SLC18B1: variants seen among roughly 807,000 people sequenced by gnomAD.
SLC18B1 encodes the protein solute carrier family 18 member B1.
A neutral mutation model predicts 53.9 loss-of-function variants in SLC18B1; 62 were observed. The observed-to-expected ratio is 1.15, with a 90% CI of 0.94 to 1.42. The LOEUF (loss-of-function observed/expected upper bound fraction) is 1.42. Ranked by LOEUF, SLC18B1 falls within the 40% of genes most tolerant of loss-of-function variation. The probability of loss-of-function intolerance (pLI) is 0.00; values close to 1 mark genes in which losing one functional copy is unlikely to be tolerated. For missense variants in SLC18B1, 598 were observed against 547.3 expected, an observed-to-expected ratio of 1.09 and a Z score of -0.93; for synonymous variants, 217 against 200.9, an observed-to-expected ratio of 1.08 and a Z score of -0.68.
At position 132,787,438 on chromosome 6, in the gene SLC18B1, A is replaced by T; in HGVS notation, c.497T>A (p.Val166Glu). ...AKAFPNNVAT[V>E]LGSLETFSGL... Reference sequence around the variant, plus strand: ...AAATACTTCTAAAATACATACCAATACCGTAGCCACGTTATTTGGAAAAGC... The same window carrying T: ...AAATACTTCTAAAATACATACCAATTCCGTAGCCACGTTATTTGGAAAAGC... The change falls in exon 5 of 14, where the codon GTA (valine) becomes GAA (glutamate). Residue 166 changes from valine (V) to glutamate (E), a missense_variant. By Grantham distance (121) the Val-to-Glu change is moderately radical. Transcript: ENST00000275227. 1 of 1,593,846 alleles carries T rather than the reference A, an allele frequency of 6.3e-7. No homozygotes were observed. Among genetic ancestry groups the T allele is most frequent in the Non-Finnish European group, 8.5e-7 (1 of 1,173,732 alleles).
At chr6:132,790,740 G>A (rs2114682912) in intron 2 of SLC18B1, among the ~76,000 whole-genome samples, 1 of 152,240 alleles carries the variant, frequency 6.6e-6, no homozygotes, top group South Asian at 2.1e-4. Context: ...TCAGACCAAG[G>A]CCCAATCAGT....
chr6:132,786,140 T>C (rs1781364633), intron 5 of SLC18B1, among the ~76,000 whole-genome samples: 1 of 152,178 alleles, frequency 6.6e-6, no homozygotes, highest in Non-Finnish European at 1.5e-5. Context: ...GGTGTTCTTC[T>C]GAGCCCTTTC....
intron 5 of SLC18B1, 133 bp downstream of exon 5, chr6:132,787,301 G>T: frequency 1.3e-6 from 1 of 793,656 alleles, no homozygotes; most frequent in Non-Finnish European, 1.8e-6. Context: ...GTCAAACTCG[G>T]GGTGAAAGGC....
At chr6:132,774,420 C>A in intron 8 of SLC18B1, 107 bp from the exon 9 acceptor site, 3 of 788,128 alleles carry the variant, frequency 3.8e-6, no homozygotes, top group East Asian at 2.7e-5. Context: ...ATTCAAAAAC[C>A]CAAATACAAT....
chr6:132,792,299 G>A lies in SLC18B1; in HGVS notation c.184-2027C>T, dbSNP rs9767250. Among the ~76,000 whole-genome samples, 72 of 81,816 alleles carry A rather than the reference G, an allele frequency of 8.8e-4. 2 individuals are homozygous for A. Among genetic ancestry groups the A allele is most frequent in the African/African-American group, 5.0e-3 (66 of 13,166 alleles). 53.7% of individuals were successfully genotyped at this position (81,816 alleles called of 152,430 possible). A position where few individuals can be genotyped will look rare whatever the true frequency, so the allele number is the denominator to read the frequency against. On this transcript the variant is annotated intron_variant, in intron 2 of 13. Transcript: ENST00000275227. ...AGAAAGAAAGGAAGAAAGGAAGGAAGGAAGGAAGGAAGGAAGGAAGGAAGG... is the reference window on the plus strand; with the variant it reads ...AGAAAGAAAGGAAGAAAGGAAGGAAAGAAGGAAGGAAGGAAGGAAGGAAGG...
chr6:132,783,046 A>C (rs1781276482), intron 6 of SLC18B1, among the ~76,000 whole-genome samples: 1 of 152,160 alleles, frequency 6.6e-6, no homozygotes, highest in South Asian at 2.1e-4. Context: ...AAGTGCTGGG[A>C]TTACAGAGAT....
intron 7 of SLC18B1, 49 bp from the exon 8 acceptor site, chr6:132,776,478 G>A: frequency 1.5e-6 from 2 of 1,348,324 alleles, no homozygotes; most frequent in Non-Finnish European, 2.1e-6. Context: ...TCATTTTTAA[G>A]TAAACATCCC....
Position 132,779,322 on chromosome 6 carries a change from G to A in SLC18B1, c.741C>T (p.Leu247=). 5 of 1,613,982 alleles carry A rather than the reference G, an allele frequency of 3.1e-6. No individual in the cohort carries two copies. Among genetic ancestry groups the A allele is most frequent in the Non-Finnish European group, 4.2e-6 (5 of 1,179,972 alleles). ...VGLIAFVINS[L]SSCFGFLDPT... is the part of the protein sequence containing the mutation. Reference sequence around the variant, plus strand: ...GATCGAGGAAGCCAAAACACGAGCTGAGTGAGTTGATGACGAAGGCTATAA... The same window carrying A: ...GATCGAGGAAGCCAAAACACGAGCTAAGTGAGTTGATGACGAAGGCTATAA... The change falls in exon 7 of 14, where the codon CTC becomes CTT. Residue 247 remains leucine, a synonymous_variant. Coordinates refer to ENST00000275227, the MANE Select transcript of SLC18B1 (RefSeq NM_052831.3).
At chr6:132,792,242 A>G (rs991203844) in intron 2 of SLC18B1, among the ~76,000 whole-genome samples, 2 of 10,908 alleles carry the variant, frequency 1.8e-4, no homozygotes, top group Non-Finnish European at 1.9e-4. Context: ...AAAGAAAGAA[A>G]GAAAGAAAGA....
At chr6:132,782,989 G>A (rs6569851) in intron 6 of SLC18B1, among the ~76,000 whole-genome samples, 1 of 151,734 alleles carries the variant, frequency 6.6e-6, no homozygotes, top group South Asian at 2.1e-4. Flanking sequence ...TGGTCAGGCC[G>A]GTCTCAAACT....
intron 2 of SLC18B1, among the ~76,000 whole-genome samples, chr6:132,794,018 G>A (rs1014790701): frequency 1.3e-5 from 2 of 152,024 alleles, no homozygotes; most frequent in African/African-American, 4.8e-5. Flanking sequence ...AGTTCCAGCT[G>A]AGCTAGGAAA....
In SLC18B1 at chr6:132,792,288, A is replaced by AAAGAAAGAAAGAAAGAAAGAAAG. The variant is rs770774646; in HGVS notation, c.184-2017_184-2016insCTTTCTTTCTTTCTTTCTTTCTT. On this transcript the variant is annotated intron_variant, in intron 2 of 13. Coordinates refer to ENST00000275227, the MANE Select transcript of SLC18B1 (RefSeq NM_052831.3). ...GAAAGAAAGAAAGAAAGAAAGGAAG[A>AAAGAAAGAAAGAAAGAAAGAAAG]AAGGAAGGAAGGAAGGAAGGAAGGA... 1.0e-3 allele frequency among the ~76,000 whole-genome samples: 41 copies of AAAGAAAGAAAGAAAGAAAGAAAG among 39,934 alleles called. 7 individuals are homozygous for AAAGAAAGAAAGAAAGAAAGAAAG. Among genetic ancestry groups the AAAGAAAGAAAGAAAGAAAGAAAG allele is most frequent in the African/African-American group, 4.8e-3 (37 of 7,762 alleles). The allele number at this position is 39,934 out of a possible 152,430, so 26.2% of individuals were successfully genotyped here.
chr6:132,772,109 A>G (rs762454054), intron 11 of SLC18B1, 23 bp downstream of exon 11: 9 of 1,501,832 alleles, frequency 6.0e-6, no homozygotes, highest in Non-Finnish European at 1.8e-6. Flanking sequence ...AAAAAAAAAG[A>G]AAGAAATTAA....
At chr6:132,793,532 C>T (rs1781600514) in intron 2 of SLC18B1, among the ~76,000 whole-genome samples, 4 of 152,310 alleles carry the variant, frequency 2.6e-5, no homozygotes, top group African/African-American at 9.6e-5. Context: ...TCTGTGACAA[C>T]ATGCAACTCT....
At chr6:132,778,465 A>T (rs117352644) in intron 7 of SLC18B1, among the ~76,000 whole-genome samples, 3,826 of 152,294 alleles carry the variant, frequency 0.025, 74 homozygotes, top group Non-Finnish European at 0.04. Context: ...ATAAGAAAAA[A>T]TAATTTTAAT....
intron 10 of SLC18B1, 142 bp from the exon 11 acceptor site, chr6:132,772,348 A>C: frequency 2.1e-6 from 1 of 477,710 alleles, no homozygotes; most frequent in Non-Finnish European, 3.6e-6. Context: ...CTAAGATAAA[A>C]AGCAAATCTT....
At chr6:132,779,200 G>C in intron 7 of SLC18B1, 68 bp downstream of exon 7, 1 of 1,582,900 alleles carries the variant, frequency 6.3e-7, no homozygotes, top group Non-Finnish European at 8.7e-7. Flanking sequence ...CCACAGAGCA[G>C]GGCCCAAGAA....
chr6:132,790,645 G>A (rs1214313502), intron 2 of SLC18B1, among the ~76,000 whole-genome samples: 4 of 152,026 alleles, frequency 2.6e-5, no homozygotes, highest in African/African-American at 9.7e-5. Context: ...CTTCCTTTTG[G>A]GTATCACATT....
intron 7 of SLC18B1, among the ~76,000 whole-genome samples, 156 bp downstream of exon 7, chr6:132,779,112 G>C (rs1465607656): frequency 6.6e-6 from 1 of 152,186 alleles, no homozygotes; most frequent in Non-Finnish European, 1.5e-5. Flanking sequence ...CTAGTTCACA[G>C]GGACGGTAGA....
Sources: gnomAD v4.1 joint callset for allele counts (sites outside exome capture counted in the v4.1 genomes callset) on GRCh38, gnomAD v4.1.1 for gene constraint, MANE v1.5 for transcripts, NCBI Gene and HGNC (gene_info 2026-07-23, HGNC 2026-07-21) for gene names.